Variants in LRMDA observed in about 807,000 individuals in gnomAD.
LRMDA encodes leucine-rich melanocyte differentiation-associated protein.
A neutral mutation model predicts 29.8 loss-of-function variants in LRMDA; 18 were observed. The ratio of observed to expected loss-of-function variants is 0.60; its 90% CI spans 0.42 to 0.90. The LOEUF is 0.90. Among genes scored for constraint, LRMDA ranks in the 40% least tolerant of loss-of-function variants. The pLI is 0.00. For missense variants in LRMDA, 273 were observed against 273.9 expected (o/e 1.00, Z 0.02); for synonymous variants, 125 against 109.4 (o/e 1.14, Z -0.89).
At chr10:76,491,501 A>G (rs564029522) in intron 6 of LRMDA, among the ~76,000 whole-genome samples, 92 of 151,840 alleles carry the variant, frequency 6.1e-4, no homozygotes, top group African/African-American at 2.1e-3. Flanking sequence ...ATGTTATGCC[A>G]CTCTTTCCTG....
At chr10:76,410,300 T>C (rs954684338) in intron 6 of LRMDA, among the ~76,000 whole-genome samples, 2 of 103,160 alleles carry the variant, frequency 1.9e-5, no homozygotes, top group African/African-American at 7.5e-5. Context: ...CTTTCTTTCT[T>C]TTTTTTTTTT....
intron 2 of LRMDA, among the ~76,000 whole-genome samples, chr10:75,524,468 T>C (rs952591600): frequency 6.6e-6 from 1 of 152,160 alleles, no homozygotes; most frequent in Admixed American, 6.5e-5. Flanking sequence ...GGTGATGTAA[T>C]TTAGCGTCTT....
At chr10:76,008,940 A>T (rs1028794489) in intron 2 of LRMDA, among the ~76,000 whole-genome samples, 2 of 152,118 alleles carry the variant, frequency 1.3e-5, no homozygotes, top group African/African-American at 4.8e-5. Context: ...TTTTTTGCAG[A>T]TGAAGAGCCT....
At chr10:76,237,602 GT>G (rs1364021210) in intron 5 of LRMDA, among the ~76,000 whole-genome samples, 1 of 152,056 alleles carries the variant, frequency 6.6e-6, no homozygotes, top group African/African-American at 2.4e-5. Context: ...TCTTTGCAAT[GT>G]TGTCTTTTTC....
chr10:76,353,449 G>T (rs1267577480), intron 6 of LRMDA, among the ~76,000 whole-genome samples: 1 of 152,018 alleles, frequency 6.6e-6, no homozygotes, highest in Non-Finnish European at 1.5e-5. Flanking sequence ...CAGAGTCAAT[G>T]CAGATTATTC....
chr10:75,565,005 C>A (rs770940727), intron 2 of LRMDA, among the ~76,000 whole-genome samples: 1 of 152,150 alleles, frequency 6.6e-6, no homozygotes, highest in Non-Finnish European at 1.5e-5. Context: ...ATTTTAATAT[C>A]CCTTGGGTCC....
chr10:75,792,556 C>A (rs772374829), intron 2 of LRMDA, among the ~76,000 whole-genome samples: 1 of 152,264 alleles, frequency 6.6e-6, no homozygotes, highest in South Asian at 2.1e-4. Context: ...AGCCACCGTG[C>A]CTGGCTGGTG....
chr10:75,733,570 G>A (rs917535796), intron 2 of LRMDA, among the ~76,000 whole-genome samples: 1 of 152,150 alleles, frequency 6.6e-6, no homozygotes, highest in African/African-American at 2.4e-5. Flanking sequence ...ACAAAAATGA[G>A]TGGGACTTTT....
intron 2 of LRMDA, among the ~76,000 whole-genome samples, chr10:75,543,615 TG>T (rs949416047): frequency 1.3e-5 from 2 of 152,214 alleles, no homozygotes; most frequent in African/African-American, 4.8e-5. Context: ...TGACTCTCTA[TG>T]GGAACATCAG....
chr10:75,572,960 C>G (rs971522600), intron 2 of LRMDA, among the ~76,000 whole-genome samples: 1 of 152,332 alleles, frequency 6.6e-6, no homozygotes, highest in South Asian at 2.1e-4. Context: ...TCCAAGAGCC[C>G]TCATCAGAAA....
chr10:75,727,895 C>T lies in LRMDA; in HGVS notation c.131+289401C>T, dbSNP rs143345524. On this transcript the variant is annotated intron_variant, in intron 2 of 6. Transcript: ENST00000611255. ...TAGATGGCTTTGTTTCCTGAAGTTA[C>T]CCAATTTTGGGGAATCATCTGACTC... Among the ~76,000 whole-genome samples, 150 of 152,288 alleles carry T rather than the reference C, an allele frequency of 9.8e-4. 1 individual carries two copies. Among genetic ancestry groups the T allele is most frequent in the Non-Finnish European group, 1.8e-3 (120 of 68,024 alleles).
chr10:75,966,501 C>T (rs900726224), intron 2 of LRMDA, among the ~76,000 whole-genome samples: 1 of 152,200 alleles, frequency 6.6e-6, no homozygotes, highest in South Asian at 2.1e-4. Context: ...TGCTGTCCTA[C>T]CCAGTACATT....
chr10:76,156,687 A>G (rs1418639027), intron 5 of LRMDA, among the ~76,000 whole-genome samples: 1 of 152,210 alleles, frequency 6.6e-6, no homozygotes, highest in Non-Finnish European at 1.5e-5. Flanking sequence ...ATTCTTTATG[A>G]TAGCATTGAC....
intron 2 of LRMDA, among the ~76,000 whole-genome samples, chr10:75,562,630 G>T (rs1276688722): frequency 1.3e-5 from 2 of 152,068 alleles, no homozygotes; most frequent in African/African-American, 4.8e-5. Flanking sequence ...AGCCTCGATG[G>T]TCTTTACATT....
chr10:75,436,699 G>C (rs1364514713), intron 1 of LRMDA, among the ~76,000 whole-genome samples: 1 of 151,978 alleles, frequency 6.6e-6, no homozygotes, highest in Non-Finnish European at 1.5e-5. Context: ...TCGATCCCCT[G>C]ACCTCATGAT....
chr10:76,191,402 A>G (rs1440734194), intron 5 of LRMDA, among the ~76,000 whole-genome samples: 2 of 152,158 alleles, frequency 1.3e-5, no homozygotes, highest in Non-Finnish European at 2.9e-5. Context: ...TATTTACTCA[A>G]TTTAACTGCA....
intron 2 of LRMDA, among the ~76,000 whole-genome samples, chr10:75,560,510 T>C (rs1391475915): frequency 5.3e-5 from 8 of 151,832 alleles, no homozygotes; most frequent in African/African-American, 1.5e-4. Flanking sequence ...CTTTTCCTCA[T>C]TGAATACCCT....
At chr10:76,105,804 C>T (rs1463078200) in intron 5 of LRMDA, among the ~76,000 whole-genome samples, 6 of 152,068 alleles carry the variant, frequency 3.9e-5, no homozygotes, top group South Asian at 4.1e-4. Context: ...TGGAGTGCAG[C>T]GGCATGATCT....
chr10:76,398,940 G>T (rs1489704081), intron 6 of LRMDA, among the ~76,000 whole-genome samples: 1 of 152,144 alleles, frequency 6.6e-6, no homozygotes, highest in African/African-American at 2.4e-5. Flanking sequence ...TTTGGGAAAT[G>T]TGTGCTCATT....
Sources: gnomAD v4.1 joint callset for allele counts (sites outside exome capture counted in the v4.1 genomes callset) on GRCh38, gnomAD v4.1.1 for gene constraint, MANE v1.5 for transcripts, NCBI Gene and HGNC (gene_info 2026-07-23, HGNC 2026-07-21) for gene names.